The following QSER1 variants were observed in gnomAD, a reference collection of about 807,000 sequenced individuals.
QSER1 encodes the protein glutamine and serine-rich protein 1.
In QSER1, 49 loss-of-function variants were observed where a neutral mutation model predicts 158.5. The observed-to-expected ratio is 0.31, with a 90% CI of 0.25 to 0.39. QSER1 has a LOEUF of 0.39. QSER1 is among the 10% of genes least tolerant of loss of function. The pLI is 1.00. For missense variants in QSER1, 1,754 were observed against 2,010.3 expected, an observed-to-expected ratio of 0.87 and a Z score of 2.44; for synonymous variants, 650 against 715.5, an observed-to-expected ratio of 0.91 and a Z score of 1.46.
At chr11:32,940,914 T>G (rs1852220991) in intron 4 of QSER1, among the ~76,000 whole-genome samples, 2 of 152,044 alleles carry the variant, frequency 1.3e-5, no homozygotes, top group Non-Finnish European at 2.9e-5. Flanking sequence ...TTTTTCTTAA[T>G]GTCTGGTTTT....
At chr11:32,975,566 T>G in intron 12 of QSER1, 1 of 1,364,698 alleles carries the variant, frequency 7.3e-7, no homozygotes, top group Middle Eastern at 2.0e-4. Flanking sequence ...GGAGCTATAA[T>G]TGGTAATGTT....
intron 1 of QSER1, among the ~76,000 whole-genome samples, chr11:32,912,641 G>A (rs1851782085): frequency 6.6e-6 from 1 of 152,122 alleles, no homozygotes; most frequent in Non-Finnish European, 1.5e-5. Context: ...AGGCAAAGTG[G>A]CTCACGCCTT....
chr11:32,942,701 A>G lies in QSER1; in HGVS notation c.4177+7266A>G, dbSNP rs1405878547. Among the ~76,000 whole-genome samples, 4 of 152,120 alleles carry G rather than the reference A, an allele frequency of 2.6e-5. No homozygotes were observed. In the East Asian group the frequency reaches 5.8e-4, roughly 22 times the overall value. ...AGCTTTGTTCTTTTGGCTTAGGATT[A>G]TCTTGGCAATGCGGGCTCTTTTTTG... On this transcript the variant is annotated intron_variant, in intron 4 of 12. Coordinates refer to ENST00000650167, the MANE Select transcript of QSER1 (RefSeq NM_001076786.3).
At chr11:32,926,259 A>G (rs1419411763) in intron 1 of QSER1, 1 of 152,152 alleles carries the variant, frequency 6.6e-6, no homozygotes, top group East Asian at 1.9e-4. Flanking sequence ...AAGAGCTTAA[A>G]ACTTTTAGAT....
chr11:32,911,126 G>A (rs1851760373), intron 1 of QSER1, among the ~76,000 whole-genome samples: 1 of 152,038 alleles, frequency 6.6e-6, no homozygotes, highest in African/African-American at 2.4e-5. Context: ...GACATTCCTG[G>A]TTTTCCTCTT....
chr11:32,973,525 T>C lies in QSER1; in HGVS notation c.5334T>C (p.Ser1778=). ...KAYNKKTLRT[S]KTTTKSAQEF... is the part of the protein sequence containing the mutation. ...ATAATAAGAAAACTCTAAGGACTTC[T>C]AAAACAACCACCAAATCTGCACAAG... Residue 1778 remains serine, a synonymous_variant, in exon 11 of 13, where the codon TCT becomes TCC. Transcript: ENST00000650167. 1 of 1,609,758 alleles carries C rather than the reference T, an allele frequency of 6.2e-7. No individual in the cohort carries two copies. The highest frequency in any genetic ancestry group is 8.5e-7 in the Non-Finnish European group (1 of 1,178,866).
At position 32,932,539 on chromosome 11, in the gene QSER1, A is replaced by T. The variant is rs1293449650; in HGVS notation, c.1281A>T (p.Gln427His). The change falls in exon 4 of 13, where the codon CAA (glutamine) becomes CAT (histidine). Residue 427 changes from glutamine (Q) to histidine (H), a missense_variant. Gln to His is a conservative substitution (Grantham distance 24). Transcript: ENST00000650167. ...PLTSTKTPKP[Q>H]SIIPPVQTLS... Reference sequence around the variant, plus strand: ...CATCAACCAAGACCCCTAAACCTCAAAGTATAATTCCTCCTGTGCAAACAC... The same window carrying T: ...CATCAACCAAGACCCCTAAACCTCATAGTATAATTCCTCCTGTGCAAACAC... The T allele has an allele frequency of 6.2e-6, 10 of 1,614,038 alleles. No homozygotes were observed. The Admixed American group carries it at 1.7e-4, about 27-fold the overall frequency.
chr11:32,943,024 GCTCT>G (rs1251878429), intron 4 of QSER1, among the ~76,000 whole-genome samples: 3 of 151,558 alleles, frequency 2.0e-5, no homozygotes, highest in Non-Finnish European at 2.9e-5. Context: ...TCATGATTTG[GCTCT>G]CTGTTTGTCT....
Position 32,973,263 on chromosome 11 carries a change from A to G in QSER1, c.5206-134A>G, listed in dbSNP as rs1430471520. ...AGTACACACACACCTCTCTGCAAAT[A>G]GGTGTTTGTGTGCACACACACCTCT... On this transcript the variant is annotated intron_variant, in intron 10 of 12. Coordinates refer to ENST00000650167, the MANE Select transcript of QSER1 (RefSeq NM_001076786.3). 8 of 844,626 alleles carry G rather than the reference A, an allele frequency of 9.5e-6. No individual in the cohort carries two copies. The East Asian group carries it at 2.0e-4, about 21-fold the overall frequency. The allele number at this position is 844,626 out of a possible 1,614,324, so 52.3% of individuals were successfully genotyped here.
At chr11:32,958,815 C>G (rs1445345776) in intron 8 of QSER1, among the ~76,000 whole-genome samples, 1 of 152,164 alleles carries the variant, frequency 6.6e-6, no homozygotes. Context: ...ATGCTTACTA[C>G]TATATATCTG....
intron 2 of QSER1, 111 bp from the exon 3 acceptor site, chr11:32,927,851 A>G: frequency 2.4e-6 from 1 of 418,962 alleles, no homozygotes; most frequent in East Asian, 3.5e-5. Context: ...CTGGGGTTGT[A>G]GAATGTTTTG....
At chr11:32,965,518 A>C (rs1041876413) in intron 8 of QSER1, among the ~76,000 whole-genome samples, 1 of 152,214 alleles carries the variant, frequency 6.6e-6, no homozygotes, top group African/African-American at 2.4e-5. Flanking sequence ...GATGTCATAC[A>C]ATTTCTTTAC....
intron 8 of QSER1, among the ~76,000 whole-genome samples, chr11:32,963,854 A>C (rs1237255847): frequency 6.6e-6 from 1 of 152,002 alleles, no homozygotes; most frequent in Non-Finnish European, 1.5e-5. Context: ...TTTTGTAGAG[A>C]CTGGGTCTTA....
chr11:32,923,512 A>G (rs569793126), intron 1 of QSER1, among the ~76,000 whole-genome samples: 8 of 152,060 alleles, frequency 5.3e-5, no homozygotes, highest in Middle Eastern at 6.8e-3. Context: ...CGTCTCTACT[A>G]AAAATACAAA....
rs1246383757 is a variant in QSER1 at position 32,964,733 on chromosome 11, T to TACACACAC, written c.4970-1566_4970-1565insCACACACA. Reference sequence around the variant, plus strand: ...AAAAAACACCATATATATATATATATATATATACACACACACACACACACA... The same window carrying TACACACAC: ...AAAAAACACCATATATATATATATATACACACACATATATACACACACACACACACACA... On this transcript the variant is annotated intron_variant, in intron 8 of 12. Coordinates refer to ENST00000650167, the MANE Select transcript of QSER1 (RefSeq NM_001076786.3). Among the ~76,000 whole-genome samples, 668 of 115,180 alleles carry TACACACAC rather than the reference T, an allele frequency of 5.8e-3. 6 individuals are homozygous for TACACACAC. Among genetic ancestry groups the TACACACAC allele is most frequent in the Non-Finnish European group, 9.8e-3 (532 of 54,284 alleles). The allele number at this position is 115,180 out of a possible 152,430, so 75.6% of individuals were successfully genotyped here. A position where few individuals can be genotyped will look rare whatever the true frequency, so the allele number is the denominator to read the frequency against.
intron 1 of QSER1, among the ~76,000 whole-genome samples, chr11:32,899,090 ATATATACC>A (rs1030627647): frequency 6.6e-6 from 1 of 152,220 alleles, no homozygotes; most frequent in African/African-American, 2.4e-5. Flanking sequence ...ATTCTTAGAA[ATATATACC>A]TATGTATTGT....
chr11:32,976,252 A>G, intron 12 of QSER1, 82 bp from the exon 13 acceptor site: 1 of 1,238,452 alleles, frequency 8.1e-7, no homozygotes, highest in Non-Finnish European at 1.1e-6. Flanking sequence ...GGATTAAGAA[A>G]AAAATAAAAT....
intron 4 of QSER1, among the ~76,000 whole-genome samples, chr11:32,939,653 C>G (rs996353806): frequency 6.6e-6 from 1 of 152,086 alleles, no homozygotes; most frequent in African/African-American, 2.4e-5. Flanking sequence ...AATGGTGTTT[C>G]CAGTGTCAGT....
intron 1 of QSER1, among the ~76,000 whole-genome samples, chr11:32,898,369 C>T (rs1225447730): frequency 2.0e-5 from 3 of 151,778 alleles, no homozygotes; most frequent in Admixed American, 6.6e-5. Context: ...GCCTGTGGTC[C>T]CAGCTACTCT....
Sources: gnomAD v4.1 joint callset for allele counts (sites outside exome capture counted in the v4.1 genomes callset) on GRCh38, gnomAD v4.1.1 for gene constraint, MANE v1.5 for transcripts, NCBI Gene and HGNC (gene_info 2026-07-23, HGNC 2026-07-21) for gene names.